Variants in SUGCT observed in about 807,000 individuals in gnomAD.
SUGCT encodes the protein succinyl-CoA:glutarate CoA-transferase.
SUGCT carries 41 observed loss-of-function variants against 55.0 expected under a neutral mutation model. That is an observed-to-expected ratio of 0.74 (90% CI 0.58 to 0.97). The LOEUF (loss-of-function observed/expected upper bound fraction) is 0.97. SUGCT is among the 50% of genes least tolerant of loss of function. The pLI is 0.00. For missense variants in SUGCT, 568 were observed against 547.8 expected, an observed-to-expected ratio of 1.04 and a Z score of -0.37; for synonymous variants, 187 against 200.4, an observed-to-expected ratio of 0.93 and a Z score of 0.56.
At chr7:40,843,962 ATT>A (rs1793419726) in intron 13 of SUGCT, among the ~76,000 whole-genome samples, 1 of 151,998 alleles carries the variant, frequency 6.6e-6, no homozygotes, top group African/African-American at 2.4e-5. Flanking sequence ...GGGGTGGCTC[ATT>A]TACTCGGCCC....
intron 12 of SUGCT, among the ~76,000 whole-genome samples, chr7:40,631,740 T>C (rs1042331231): frequency 1.3e-5 from 2 of 152,160 alleles, no homozygotes; most frequent in African/African-American, 4.8e-5. Context: ...AGAAGACCAC[T>C]GAGTTAAGAT....
At chr7:40,518,218 G>A (rs1793350297) in intron 12 of SUGCT, among the ~76,000 whole-genome samples, 1 of 152,120 alleles carries the variant, frequency 6.6e-6, no homozygotes, top group African/African-American at 2.4e-5. Context: ...ACTGAAATGG[G>A]TAGGGAAGAA....
At chr7:40,272,907 G>A (rs1024965332) in intron 7 of SUGCT, among the ~76,000 whole-genome samples, 47 of 151,556 alleles carry the variant, frequency 3.1e-4, no homozygotes, top group African/African-American at 1.1e-3. Context: ...TGATCTACTC[G>A]CCTTGACCTC....
intron 12 of SUGCT, among the ~76,000 whole-genome samples, chr7:40,675,112 G>T (rs894336931): frequency 6.6e-6 from 1 of 150,498 alleles, no homozygotes; most frequent in African/African-American, 2.5e-5. Flanking sequence ...CTGGGCTGGA[G>T]TGTAGTGGTG....
At chr7:40,305,217 G>T (rs183999061) in intron 8 of SUGCT, among the ~76,000 whole-genome samples, 4 of 152,220 alleles carry the variant, frequency 2.6e-5, no homozygotes, top group African/African-American at 7.2e-5. Flanking sequence ...GCAAATTTCA[G>T]CCTGACCTTC....
intron 12 of SUGCT, among the ~76,000 whole-genome samples, chr7:40,585,008 T>A (rs1797301443): frequency 1.3e-5 from 2 of 152,222 alleles, no homozygotes; most frequent in Non-Finnish European, 1.5e-5. Context: ...CTGGCTTTGA[T>A]GATTCACCTT....
intron 13 of SUGCT, among the ~76,000 whole-genome samples, chr7:40,845,805 G>A (rs900561415): frequency 7.9e-5 from 12 of 152,224 alleles, no homozygotes; most frequent in South Asian, 2.1e-4. Context: ...GAATATAACC[G>A]TCATTTGTGT....
At chr7:40,297,438 T>C (rs181326678) in intron 8 of SUGCT, among the ~76,000 whole-genome samples, 106 of 152,308 alleles carry the variant, frequency 7.0e-4, no homozygotes, top group Non-Finnish European at 1.8e-4. Flanking sequence ...CATGTGAAGC[T>C]TATGGATTCT....
At chr7:40,661,697 C>A (rs952050893) in intron 12 of SUGCT, among the ~76,000 whole-genome samples, 3 of 152,120 alleles carry the variant, frequency 2.0e-5, no homozygotes, top group African/African-American at 7.2e-5. Flanking sequence ...AATAGTTAAG[C>A]CCCTCCTATA....
intron 12 of SUGCT, among the ~76,000 whole-genome samples, chr7:40,561,276 T>C (rs1583984880): frequency 6.6e-6 from 1 of 152,252 alleles, no homozygotes; most frequent in African/African-American, 2.4e-5. Flanking sequence ...ACAGCCTTTA[T>C]TGGATTTCTT....
chr7:40,678,111 C>T (rs1179446772), intron 12 of SUGCT, among the ~76,000 whole-genome samples: 2 of 152,176 alleles, frequency 1.3e-5, no homozygotes, highest in Admixed American at 6.5e-5. Flanking sequence ...ATGACCTGTT[C>T]TCAGAGGTCA....
At chr7:40,292,799 T>A (rs149782083) in intron 8 of SUGCT, among the ~76,000 whole-genome samples, 1 of 152,334 alleles carries the variant, frequency 6.6e-6, no homozygotes, top group East Asian at 1.9e-4. Context: ...GAAAATCAGG[T>A]GCATCCATCT....
chr7:40,782,934 A>G (rs1172237440), intron 13 of SUGCT, among the ~76,000 whole-genome samples: 3 of 152,128 alleles, frequency 2.0e-5, no homozygotes, highest in Admixed American at 6.6e-5. Flanking sequence ...CTGAGTTACT[A>G]TGATTTTCTG....
the SUGCT span, among the ~76,000 whole-genome samples, chr7:40,895,746 A>G: frequency 1.3e-5 from 2 of 152,228 alleles, no homozygotes; most frequent in East Asian, 3.8e-4. Flanking sequence ...TCAAATAGTA[A>G]AAACAATCTT....
intron 9 of SUGCT, among the ~76,000 whole-genome samples, chr7:40,435,977 T>C (rs1218010843): frequency 1.4e-5 from 2 of 146,636 alleles, no homozygotes; most frequent in Admixed American, 7.0e-5. Flanking sequence ...GGAGTCTTGC[T>C]CTGTTACCCA....
intron 9 of SUGCT, among the ~76,000 whole-genome samples, chr7:40,373,298 A>AGATTCTAGAAAATTTAGAATCTATG (rs1784381940): frequency 2.4e-5 from 1 of 41,294 alleles, no homozygotes; most frequent in Non-Finnish European, 4.8e-5. Context: ...CAGAATCTAT[A>AGATTCTAGAAAATTTAGAATCTATG]GATTCTAGAA....
At chr7:40,489,864 A>G (rs1791588462) in intron 11 of SUGCT, among the ~76,000 whole-genome samples, 1 of 152,074 alleles carries the variant, frequency 6.6e-6, no homozygotes, top group Non-Finnish European at 1.5e-5. Flanking sequence ...ATTGTTCCTG[A>G]TCCTTGTGGT....
At chr7:40,332,572 T>C (rs901818854) in intron 9 of SUGCT, among the ~76,000 whole-genome samples, 10 of 152,232 alleles carry the variant, frequency 6.6e-5, no homozygotes, top group African/African-American at 2.4e-4. Context: ...ATGTCATTCC[T>C]GTTTCCATTG....
chr7:40,338,103 T>C (rs1280328711), intron 9 of SUGCT, among the ~76,000 whole-genome samples: 1 of 152,236 alleles, frequency 6.6e-6, no homozygotes, highest in Non-Finnish European at 1.5e-5. Context: ...TTGTAGAGTT[T>C]CTGCCAATAG....
Sources: gnomAD v4.1 joint callset for allele counts (sites outside exome capture counted in the v4.1 genomes callset) on GRCh38, gnomAD v4.1.1 for gene constraint, MANE v1.5 for transcripts, NCBI Gene and HGNC (gene_info 2026-07-23, HGNC 2026-07-21) for gene names.